The following CEP128 variants were observed in gnomAD, a reference collection of about 807,000 sequenced individuals.
CEP128 encodes centrosomal protein 128, also known as centrosomal protein 128kDa.
A neutral mutation model predicts 156.7 loss-of-function variants in CEP128; 132 were observed. The ratio of observed to expected loss-of-function variants is 0.84; its 90% CI spans 0.73 to 0.97. The LOEUF (loss-of-function observed/expected upper bound fraction) is 0.97, where lower values mean the gene tolerates loss of function less well. Ranked by LOEUF, CEP128 falls within the 50% of genes least tolerant of loss-of-function variation. The pLI is 0.00. For synonymous variants in CEP128, 469 were observed against 448.9 expected, an observed-to-expected ratio of 1.04 and a Z score of -0.57; for missense variants, 1,252 against 1,281.9, an observed-to-expected ratio of 0.98 and a Z score of 0.36.
chr14:80,761,695 T>A (rs1210554285), intron 16 of CEP128, 82 bp from the exon 17 acceptor site: 1 of 968,082 alleles, frequency 1.0e-6, no homozygotes, highest in Non-Finnish European at 1.5e-6. Context: ...TTCAACCAAC[T>A]AGAAGTGGAT....
chr14:80,615,775 G>C (rs916820208), intron 19 of CEP128, among the ~76,000 whole-genome samples: 5 of 152,138 alleles, frequency 3.3e-5, no homozygotes, highest in Non-Finnish European at 7.3e-5. Context: ...CTTGAACCCG[G>C]GAGGCAGAGT....
chr14:80,773,067 A>G (rs1340219675), intron 16 of CEP128, among the ~76,000 whole-genome samples: 1 of 152,182 alleles, frequency 6.6e-6, no homozygotes, highest in Non-Finnish European at 1.5e-5. Flanking sequence ...TGAGGGTGGC[A>G]GGTATCTCTG....
intron 19 of CEP128, among the ~76,000 whole-genome samples, chr14:80,701,380 A>G (rs943648127): frequency 6.6e-6 from 1 of 152,172 alleles, no homozygotes; most frequent in East Asian, 1.9e-4. Flanking sequence ...CAAGCTGGCC[A>G]GTGCTACAGG....
At chr14:80,554,663 T>C (rs566893692) in intron 21 of CEP128, among the ~76,000 whole-genome samples, 2 of 152,240 alleles carry the variant, frequency 1.3e-5, no homozygotes, top group South Asian at 2.1e-4. Flanking sequence ...CACTTTGTTA[T>C]GTGGTTAAAT....
At chr14:80,674,754 G>A (rs186392267) in intron 19 of CEP128, among the ~76,000 whole-genome samples, 4 of 151,958 alleles carry the variant, frequency 2.6e-5, no homozygotes, top group African/African-American at 7.2e-5. Context: ...CATATATACC[G>A]CCATGGAACT....
chr14:80,568,581 T>C (rs1891013465), intron 20 of CEP128, among the ~76,000 whole-genome samples: 4 of 152,250 alleles, frequency 2.6e-5, no homozygotes, highest in African/African-American at 9.6e-5. Flanking sequence ...ATGAGGATGA[T>C]CAACATCGAA....
Position 80,922,010 on chromosome 14 carries a change from C to T in CEP128, c.-15-5448G>A, listed in dbSNP as rs190112453. 8.3e-3 allele frequency among the ~76,000 whole-genome samples: 1,259 copies of T among 150,928 alleles called. 12 individuals are homozygous for T. The highest frequency in any genetic ancestry group is 0.01 in the Non-Finnish European group (686 of 67,792). On this transcript the variant is annotated intron_variant, in intron 2 of 24. Transcript: ENST00000555265. ...TTCATGAATTTTCTACAATGATTTG[C>T]ATTAATATACATTAATGCAAATGGA...
At chr14:80,749,304 A>G (rs898795807) in intron 18 of CEP128, among the ~76,000 whole-genome samples, 2 of 152,194 alleles carry the variant, frequency 1.3e-5, no homozygotes, top group African/African-American at 4.8e-5. Context: ...AAGAAAGGAA[A>G]TCAGGATAGC....
chr14:80,544,548 A>G (rs1889900299), intron 21 of CEP128, among the ~76,000 whole-genome samples: 1 of 152,164 alleles, frequency 6.6e-6, no homozygotes, highest in African/African-American at 2.4e-5. Context: ...TCATGACCTC[A>G]TGACCTAATA....
chr14:80,486,299 C>T (rs149686351), downstream of CEP128, among the ~76,000 whole-genome samples: 106 of 151,760 alleles, frequency 7.0e-4, no homozygotes, highest in African/African-American at 2.3e-3. Flanking sequence ...CGAAATGAAG[C>T]GAGAAGGGAA....
At chr14:80,859,107 T>C (rs1381584113) in intron 9 of CEP128, among the ~76,000 whole-genome samples, 2 of 149,942 alleles carry the variant, frequency 1.3e-5, no homozygotes, top group Non-Finnish European at 3.0e-5. Flanking sequence ...CGTATGTTTA[T>C]TGCGGCATTA....
chr14:80,635,589 A>C (rs545873359), intron 19 of CEP128, among the ~76,000 whole-genome samples: 77 of 152,334 alleles, frequency 5.1e-4, no homozygotes, highest in Non-Finnish European at 2.4e-4. Context: ...AATGACTGAC[A>C]TTAGTAGGTT....
chr14:80,741,185 C>T (rs1048936887), intron 19 of CEP128, among the ~76,000 whole-genome samples: 4 of 152,120 alleles, frequency 2.6e-5, no homozygotes, highest in Non-Finnish European at 4.4e-5. Context: ...TATATTTGTT[C>T]ATATTCACTA....
chr14:80,528,315 G>GTC (rs1206201991), intron 22 of CEP128, among the ~76,000 whole-genome samples: 4 of 152,200 alleles, frequency 2.6e-5, no homozygotes, highest in Non-Finnish European at 5.9e-5. Context: ...TTGAGACGGA[G>GTC]TCTCACTCTG....
chr14:80,513,167 T>C (rs569552713), intron 23 of CEP128, among the ~76,000 whole-genome samples: 42 of 152,146 alleles, frequency 2.8e-4, no homozygotes, highest in Admixed American at 1.6e-3. Context: ...CTAGTGTTGA[T>C]AAATACCCTC....
rs1350743065 is a variant in CEP128 at position 80,785,190 on chromosome 14, T to C, written c.1916A>G (p.Asp639Gly). 1 of 1,614,210 alleles carries C rather than the reference T, an allele frequency of 6.2e-7. No homozygotes were observed. Among genetic ancestry groups the C allele is most frequent in the East Asian group, 2.2e-5 (1 of 44,880 alleles). The change falls in exon 15 of 25, where the codon GAC becomes GGC. Residue 639 changes from aspartate (D) to glycine (G), a missense_variant. Asp to Gly is a moderately conservative substitution (Grantham distance 94). Transcript: ENST00000555265. ...AAGATCTGCTCGGATGGCACTCAGG[T>C]CCTTGATGGACTCTTGCATCTCAAG... ...KLLEMQESIK[D>G]LSAIRADLAN...
intron 21 of CEP128, among the ~76,000 whole-genome samples, chr14:80,551,713 GATTAT>G (rs2140341931): frequency 6.6e-6 from 1 of 152,210 alleles, no homozygotes; most frequent in South Asian, 2.1e-4. Context: ...TACACTCTTT[GATTAT>G]AGTAGAGTAG....
rs1884562998 is a variant in CEP128 at position 80,916,450 on chromosome 14, G to C, written c.98C>G (p.Pro33Arg). ...RSTHRGTRSL[P>R]TVEVTEKVNT... The stretch of plus-strand genomic sequence containing the variant: ...GACCTTCTCGGTAACTTCTACTGTA[G>C]GAAGACTTCGAGTTCCCCTGTGCGT... The change falls in exon 3 of 25, where the codon CCT (proline) becomes CGT (arginine). Residue 33 changes from proline (P) to arginine (R), a missense_variant. Physicochemically the swap from Pro to Arg is moderately radical, Grantham distance 103 (BLOSUM62 -2). Transcript: ENST00000555265. The C allele has an allele frequency of 6.2e-7, 1 of 1,613,822 alleles. No individual in the cohort carries two copies. Among genetic ancestry groups the C allele is most frequent in the African/African-American group, 1.3e-5 (1 of 74,888 alleles).
Position 80,785,560 on chromosome 14 carries a change from A to G in CEP128, c.1561-15T>C. 1 of 1,552,432 alleles carries G rather than the reference A, an allele frequency of 6.4e-7. No homozygotes were observed. The highest frequency in any genetic ancestry group is 1.4e-5 in the African/African-American group (1 of 72,490). ...TCTTTTAAAATCTATCAGGTTAAGAACATGAAGCAAAAGAAAAAAATAAAA... is the reference window on the plus strand; with the variant it reads ...TCTTTTAAAATCTATCAGGTTAAGAGCATGAAGCAAAAGAAAAAAATAAAA... On this transcript the variant is annotated splice_polypyrimidine_tract_variant and intron_variant, in intron 14 of 24. Coordinates refer to ENST00000555265, the MANE Select transcript of CEP128 (RefSeq NM_152446.5).
Sources: allele counts gnomAD v4.1 joint callset (sites outside exome capture counted in the v4.1 genomes callset), GRCh38; gene constraint gnomAD v4.1.1; transcripts MANE v1.5; gene names NCBI Gene and HGNC (gene_info 2026-07-23, HGNC 2026-07-21).